GPHN: variants seen among roughly 807,000 people sequenced by gnomAD.
GPHN encodes gephyrin.
GPHN carries 17 observed loss-of-function variants against 95.5 expected under a neutral mutation model. The ratio of observed to expected loss-of-function variants is 0.18; its 90% CI spans 0.12 to 0.27. The LOEUF is 0.27. Among genes scored for constraint, GPHN ranks in the 10% least tolerant of loss-of-function variants. The pLI, the probability that GPHN is intolerant of heterozygous loss-of-function variation, is 1.00. For synonymous variants in GPHN, 320 were observed against 322.5 expected, an observed-to-expected ratio of 0.99 and a Z score of 0.08; for missense variants, 660 against 978.1, an observed-to-expected ratio of 0.67 and a Z score of 4.34.
the GPHN span, chr14:67,279,584 T>C: frequency 6.7e-7 from 1 of 1,482,714 alleles, no homozygotes; most frequent in Non-Finnish European, 9.0e-7. Context: ...CTTTAATTTA[T>C]CTGTGCCTTA....
intron 1 of GPHN, among the ~76,000 whole-genome samples, chr14:66,664,989 CAAAAAAAA>C (rs937401198): frequency 1.8e-5 from 1 of 54,898 alleles, no homozygotes; most frequent in Admixed American, 2.1e-4. Context: ...GCCTACCAAC[CAAAAAAAA>C]AAAAAAAAAA....
At chr14:66,940,047 T>G (rs930538665) in intron 8 of GPHN, among the ~76,000 whole-genome samples, 4 of 152,044 alleles carry the variant, frequency 2.6e-5, no homozygotes, top group African/African-American at 7.3e-5. Context: ...TAAGAAAAAC[T>G]TTTACCCTTT....
the GPHN span, among the ~76,000 whole-genome samples, chr14:67,506,943 C>G: frequency 6.6e-6 from 1 of 152,108 alleles, no homozygotes; most frequent in Non-Finnish European, 1.5e-5. Flanking sequence ...GAGATCGTGC[C>G]ACTGCATTCC....
intron 8 of GPHN, among the ~76,000 whole-genome samples, chr14:66,954,865 T>C (rs1327279466): frequency 6.6e-6 from 1 of 152,222 alleles, no homozygotes; most frequent in African/African-American, 2.4e-5. Context: ...ACGGAGATGA[T>C]CATTTGTGAA....
At chr14:66,545,620 A>C (rs1424263046) in intron 1 of GPHN, among the ~76,000 whole-genome samples, 1 of 95,202 alleles carries the variant, frequency 1.1e-5, no homozygotes, top group African/African-American at 4.5e-5. Flanking sequence ...TGACCCCCCC[A>C]CCTCCCTCCC....
chr14:66,755,442 T>C (rs1384697154), intron 2 of GPHN, among the ~76,000 whole-genome samples: 3 of 152,124 alleles, frequency 2.0e-5, no homozygotes, highest in Non-Finnish European at 4.4e-5. Context: ...TCATAAATAA[T>C]AGACAGTTCC....
chr14:67,384,692 C>G, the GPHN span: 3 of 152,140 alleles, frequency 2.0e-5, no homozygotes, highest in African/African-American at 7.2e-5. Flanking sequence ...GTAGTTTGTA[C>G]CATTTATGAA....
chr14:67,412,118 C>A, the GPHN span: 2 of 1,425,338 alleles, frequency 1.4e-6, no homozygotes, highest in East Asian at 3.0e-5. Flanking sequence ...TCGCGCTCCT[C>A]GGCACCCGCG....
At chr14:67,575,752 A>G in the GPHN span, 4 of 1,126,402 alleles carry the variant, frequency 3.6e-6, no homozygotes, top group Middle Eastern at 2.1e-4. Context: ...CACGGAGCCT[A>G]TGTATTCAGA....
the GPHN span, chr14:67,656,378 C>A: frequency 4.6e-6 from 7 of 1,525,570 alleles, no homozygotes; most frequent in South Asian, 1.4e-5. Context: ...CCCCTAATTA[C>A]CCCATACTTG....
chr14:66,684,717 G>C (rs535474334), intron 2 of GPHN, among the ~76,000 whole-genome samples: 27 of 151,658 alleles, frequency 1.8e-4, no homozygotes, highest in Non-Finnish European at 3.4e-4. Context: ...GAATCTCTAA[G>C]CAAGACTTTC....
chr14:67,473,503 G>C, the GPHN span: 1 of 1,614,182 alleles, frequency 6.2e-7, no homozygotes. The surrounding 1 kb of genome is among the most constrained non-coding windows in gnomAD (Gnocchi z 6.5). Context: ...AAGCGGAGGC[G>C]GAGGGTGTTG....
At chr14:67,257,522 C>T in the GPHN span, among the ~76,000 whole-genome samples, 1 of 151,818 alleles carries the variant, frequency 6.6e-6, no homozygotes, top group East Asian at 1.9e-4. Context: ...AAGTGAGACA[C>T]AACTTGTGGA....
the GPHN span, chr14:67,574,507 T>A: frequency 1.1e-6 from 1 of 916,222 alleles, no homozygotes; most frequent in East Asian, 2.9e-5. This position sits in a 1 kb window ranked among gnomAD's most constrained non-coding sequence, Gnocchi z 4.2. Context: ...ACGGGGCTCC[T>A]TTCTCTGGGA....
chr14:66,724,233 G>GTT (rs952535570), intron 2 of GPHN, among the ~76,000 whole-genome samples: 2 of 150,740 alleles, frequency 1.3e-5, no homozygotes, highest in African/African-American at 2.4e-5. Context: ...TTTGGGGAGG[G>GTT]TTTTTTTTTA....
intron 3 of GPHN, among the ~76,000 whole-genome samples, chr14:66,793,327 C>T (rs1281072272): frequency 6.6e-6 from 1 of 152,094 alleles, no homozygotes; most frequent in East Asian, 1.9e-4. Flanking sequence ...ATATATTTGA[C>T]AGGGAAAGCA....
At chr14:67,726,183 G>T in the GPHN span, 1 of 1,277,062 alleles carries the variant, frequency 7.8e-7, no homozygotes, top group South Asian at 1.2e-5. Flanking sequence ...ACTAAAAAAT[G>T]AGGTACACCC....
chr14:67,113,188 T>C lies in GPHN; in HGVS notation c.1626+17T>C. ...GGGAATGAGGTATTAAAAATAAAAA[T>C]GGAGGGAGTGGGGAGAGGGCCCATA... On this transcript the variant is annotated intron_variant, in intron 16 of 22. Transcript: ENST00000478722. 1 of 1,606,930 alleles carries C rather than the reference T, an allele frequency of 6.2e-7. No individual in the cohort carries two copies. Among genetic ancestry groups the C allele is most frequent in the Non-Finnish European group, 8.5e-7 (1 of 1,173,498 alleles).
intron 13 of GPHN, among the ~76,000 whole-genome samples, chr14:67,109,804 C>A (rs2078265530): frequency 6.6e-6 from 1 of 152,088 alleles, no homozygotes; most frequent in African/African-American, 2.4e-5. Context: ...TACAGACTCT[C>A]AAATCACTTT....
Sources: allele counts gnomAD v4.1 joint callset (sites outside exome capture counted in the v4.1 genomes callset), GRCh38; gene constraint gnomAD v4.1.1; non-coding constraint Gnocchi (gnomAD v3.1); transcripts MANE v1.5; gene names NCBI Gene and HGNC (gene_info 2026-07-23, HGNC 2026-07-21).